The following SLC2A13 variants were observed in gnomAD, a reference collection of about 807,000 sequenced individuals.
SLC2A13 encodes solute carrier family 2 member 13.
Under a neutral mutation model 64.4 loss-of-function variants are expected in SLC2A13, and 32 were observed. The observed-to-expected ratio is 0.50, with a 90% CI of 0.37 to 0.67. The LOEUF is 0.67. Among genes scored for constraint, SLC2A13 ranks in the 30% least tolerant of loss-of-function variants. The pLI, the probability that SLC2A13 is intolerant of heterozygous loss-of-function variation, is 0.00. For synonymous variants in SLC2A13, 338 were observed against 327.1 expected (o/e 1.03, Z -0.36); for missense variants, 743 against 829.2 (o/e 0.90, Z 1.28).
chr12:39,767,340 G>C (rs1940394536), intron 7 of SLC2A13, among the ~76,000 whole-genome samples: 1 of 151,426 alleles, frequency 6.6e-6, no homozygotes, highest in African/African-American at 2.4e-5. Flanking sequence ...CTCCATAGTG[G>C]CTTAAAATAT....
chr12:39,956,061 C>T (rs948514740), intron 3 of SLC2A13, among the ~76,000 whole-genome samples: 1 of 152,156 alleles, frequency 6.6e-6, no homozygotes, highest in African/African-American at 2.4e-5. Context: ...GAGGTGAACT[C>T]AGGACAGATA....
intron 7 of SLC2A13, chr12:39,829,416 CTTTTTTT>C: frequency 1.5e-5 from 1 of 67,652 alleles, no homozygotes; most frequent in Admixed American, 2.2e-4. Context: ...TTTTTTTTTT[CTTTTTTT>C]TGAGGCAGAG....
At chr12:39,931,241 T>G (rs1945821089) in intron 4 of SLC2A13, among the ~76,000 whole-genome samples, 1 of 152,202 alleles carries the variant, frequency 6.6e-6, no homozygotes, top group Admixed American at 6.5e-5. Context: ...AGAACCACTA[T>G]AAGGATCGTC....
At chr12:39,999,065 T>C (rs1947281764) in intron 3 of SLC2A13, among the ~76,000 whole-genome samples, 1 of 152,184 alleles carries the variant, frequency 6.6e-6, no homozygotes, top group African/African-American at 2.4e-5. Context: ...AGTTCCCAAA[T>C]AATACTTTCA....
Position 39,830,124 on chromosome 12 carries a change from G to A in SLC2A13, c.1424C>T (p.Thr475Ile), listed in dbSNP as rs752709836. The A allele has an allele frequency of 6.2e-7, 1 of 1,613,670 alleles. No individual in the cohort carries two copies. Among genetic ancestry groups the A allele is most frequent in the African/African-American group, 1.3e-5 (1 of 75,014 alleles). ...SSCVPVNKASTNEAAWGRCEN... is the reference protein window; with the variant it reads ...SSCVPVNKASINEAAWGRCEN... ...ATACCTGCCCCAGGCTGCCTCATTT[G>A]TAGATGCTTTATTAACTGGAACACA... The change falls in exon 7 of 10, where the codon ACA (threonine) becomes ATA (isoleucine). Residue 475 changes from threonine (T) to isoleucine (I), a missense_variant. Transcript: ENST00000280871.
chr12:39,932,020 C>T lies in SLC2A13; in HGVS notation c.1034+19237G>A, dbSNP rs1188961060. ...CTCCCCAAACTGAAAACAGACCTTG[C>T]ACAATATAACTTGGCAATCTAGTTT... On this transcript the variant is annotated intron_variant, in intron 4 of 9. Transcript: ENST00000280871. Among the ~76,000 whole-genome samples the T allele has an allele frequency of 3.9e-5, 6 of 152,014 alleles. No homozygotes were observed. The East Asian group carries it at 9.6e-4, about 24-fold the overall frequency.
intron 6 of SLC2A13, among the ~76,000 whole-genome samples, chr12:39,849,399 C>T (rs905475672): frequency 1.3e-5 from 2 of 152,112 alleles, no homozygotes; most frequent in African/African-American, 4.8e-5. Flanking sequence ...TAATCTCACC[C>T]ACTGAAGAAT....
chr12:40,081,432 G>A (rs982026940), intron 1 of SLC2A13, among the ~76,000 whole-genome samples: 25 of 152,240 alleles, frequency 1.6e-4, no homozygotes, highest in African/African-American at 6.0e-4. Context: ...TTGATTCAAA[G>A]AACTGGTCTT....
At chr12:39,846,783 G>A (rs1468868057) in intron 6 of SLC2A13, among the ~76,000 whole-genome samples, 1 of 152,014 alleles carries the variant, frequency 6.6e-6, no homozygotes, top group Non-Finnish European at 1.5e-5. Context: ...CAGTGTCACT[G>A]GTAAAATGGG....
intron 4 of SLC2A13, among the ~76,000 whole-genome samples, chr12:39,906,527 C>G (rs1041458970): frequency 6.6e-6 from 1 of 152,080 alleles, no homozygotes; most frequent in East Asian, 1.9e-4. Context: ...ACAGTTTCAA[C>G]TTGAAAGAAA....
At position 39,756,593 on chromosome 12, in the gene SLC2A13, A is replaced by G. The variant is rs1429594083; in HGVS notation, c.*3433T>C. 2.0e-5 allele frequency: 3 copies of G among 151,876 alleles called. No individual in the cohort carries two copies. Among genetic ancestry groups the G allele is most frequent in the Admixed American group, 6.6e-5 (1 of 15,194 alleles). The allele number at this position is 151,876 out of a possible 1,614,324, so 9.4% of individuals were successfully genotyped here. ...TTCTGAGACTTTCTTAGATAAACAT[A>G]TGGATGGTATTTTCTAAAACATTCT... On this transcript the variant is annotated 3_prime_UTR_variant, in exon 10 of 10. Transcript: ENST00000280871.
At chr12:40,094,879 G>C (rs1565625340) in intron 1 of SLC2A13, among the ~76,000 whole-genome samples, 1 of 152,164 alleles carries the variant, frequency 6.6e-6, no homozygotes, top group South Asian at 2.1e-4. Context: ...CTTTGAATAG[G>C]AGACAGGGAG....
At chr12:39,989,269 C>T (rs1363489063) in intron 3 of SLC2A13, among the ~76,000 whole-genome samples, 2 of 152,176 alleles carry the variant, frequency 1.3e-5, no homozygotes, top group South Asian at 2.1e-4. Context: ...TGAATACATG[C>T]CACCTCTCTG....
intron 3 of SLC2A13, among the ~76,000 whole-genome samples, chr12:39,984,391 C>A (rs1946988840): frequency 6.6e-6 from 1 of 151,524 alleles, no homozygotes; most frequent in South Asian, 2.1e-4. Flanking sequence ...CTTCTATAAA[C>A]AAAGAATTTA....
intron 7 of SLC2A13, among the ~76,000 whole-genome samples, chr12:39,783,043 C>T (rs930583548): frequency 3.9e-5 from 6 of 152,140 alleles, no homozygotes; most frequent in Admixed American, 2.0e-4. Context: ...ACGACAGGCC[C>T]TGGTGTGTGA....
chr12:39,785,332 CAG>C (rs1941147012), intron 7 of SLC2A13, among the ~76,000 whole-genome samples: 1 of 152,190 alleles, frequency 6.6e-6, no homozygotes, highest in South Asian at 2.1e-4. Context: ...GCTGTGGCTT[CAG>C]AGAGTGGAAG....
chr12:39,887,592 GTTTT>G (rs1271706773), intron 4 of SLC2A13, among the ~76,000 whole-genome samples: 1 of 152,214 alleles, frequency 6.6e-6, no homozygotes. Flanking sequence ...TTGAGCAGGA[GTTTT>G]TTTAAGCACC....
chr12:40,093,408 G>A (rs562585247), intron 1 of SLC2A13, among the ~76,000 whole-genome samples: 1 of 152,188 alleles, frequency 6.6e-6, no homozygotes, highest in South Asian at 2.1e-4. Flanking sequence ...CTGTGTACCA[G>A]GCACTACACT....
At chr12:39,841,293 A>G (rs1943170848) in intron 6 of SLC2A13, among the ~76,000 whole-genome samples, 1 of 152,124 alleles carries the variant, frequency 6.6e-6, no homozygotes, top group Non-Finnish European at 1.5e-5. Flanking sequence ...ATATATTGGT[A>G]TTTTAGGCCG....
Sources: gnomAD v4.1 joint callset for allele counts (sites outside exome capture counted in the v4.1 genomes callset) on GRCh38, gnomAD v4.1.1 for gene constraint, MANE v1.5 for transcripts, NCBI Gene and HGNC (gene_info 2026-07-23, HGNC 2026-07-21) for gene names.